The following BCAR3 variants were observed in gnomAD, a reference collection of about 807,000 sequenced individuals.
BCAR3 encodes breast cancer anti-estrogen resistance protein 3.
A neutral mutation model predicts 80.1 loss-of-function variants in BCAR3; 37 were observed. The ratio of observed to expected loss-of-function variants is 0.46; its 90% CI spans 0.36 to 0.61. The LOEUF (loss-of-function observed/expected upper bound fraction) is 0.61. Ranked by LOEUF, BCAR3 falls within the 20% of genes least tolerant of loss-of-function variation. The pLI, the probability that BCAR3 is intolerant of heterozygous loss-of-function variation, is 0.00. For missense variants in BCAR3, 978 were observed against 1,068.2 expected, an observed-to-expected ratio of 0.92 and a Z score of 1.18; for synonymous variants, 389 against 418.9, an observed-to-expected ratio of 0.93 and a Z score of 0.87.
intron 2 of BCAR3, among the ~76,000 whole-genome samples, chr1:93,662,439 T>C (rs942854975): frequency 6.6e-6 from 1 of 152,182 alleles, no homozygotes; most frequent in Non-Finnish European, 1.5e-5. Flanking sequence ...TGGTTTGCTG[T>C]TTCAAAATAC....
chr1:93,700,964 G>A (rs1030472395), intron 3 of BCAR3, among the ~76,000 whole-genome samples: 27 of 152,254 alleles, frequency 1.8e-4, no homozygotes, highest in African/African-American at 5.5e-4. Context: ...ACCTCACCAG[G>A]TGGGAGGCAG....
At chr1:93,573,490 G>A (rs549043775) in intron 8 of BCAR3, among the ~76,000 whole-genome samples, 3 of 151,898 alleles carry the variant, frequency 2.0e-5, no homozygotes, top group African/African-American at 7.2e-5. Flanking sequence ...GTCTCTCCCT[G>A]TGTATCTTGG....
At chr1:93,803,801 G>A (rs1653573152) in intron 2 of BCAR3, among the ~76,000 whole-genome samples, 1 of 152,140 alleles carries the variant, frequency 6.6e-6, no homozygotes, top group African/African-American at 2.4e-5. Flanking sequence ...TCCCCAGATG[G>A]GTACAGGAGG....
chr1:93,767,289 G>A (rs1282825391), intron 2 of BCAR3, among the ~76,000 whole-genome samples: 3 of 152,124 alleles, frequency 2.0e-5, no homozygotes, highest in Admixed American at 2.0e-4. Context: ...TTCGGAGGCC[G>A]AGGCAGGCGA....
intron 2 of BCAR3, among the ~76,000 whole-genome samples, chr1:93,659,923 C>T (rs1040527237): frequency 1.3e-5 from 2 of 152,084 alleles, no homozygotes; most frequent in Admixed American, 6.6e-5. Flanking sequence ...AATTACAATT[C>T]GATATACCAT....
chr1:93,822,674 G>A (rs986655783), intron 2 of BCAR3, among the ~76,000 whole-genome samples: 1 of 152,170 alleles, frequency 6.6e-6, no homozygotes, highest in Non-Finnish European at 1.5e-5. Context: ...AAAGGCACTT[G>A]AGTATTGCTG....
At chr1:93,827,933 C>T (rs1219651506) in intron 2 of BCAR3, among the ~76,000 whole-genome samples, 1 of 152,176 alleles carries the variant, frequency 6.6e-6, no homozygotes, top group Non-Finnish European at 1.5e-5. Flanking sequence ...CCTTCTCCCA[C>T]CCTCATGTCT....
chr1:93,761,073 A>G (rs1651927899), intron 2 of BCAR3, among the ~76,000 whole-genome samples: 1 of 152,194 alleles, frequency 6.6e-6, no homozygotes, highest in Non-Finnish European at 1.5e-5. Flanking sequence ...TGGGGCCATT[A>G]ACACAAATAT....
intron 2 of BCAR3, among the ~76,000 whole-genome samples, chr1:93,770,111 C>A (rs1260326085): frequency 6.6e-6 from 1 of 152,162 alleles, no homozygotes; most frequent in Non-Finnish European, 1.5e-5. Flanking sequence ...TAGTGGGGGA[C>A]AGAAGGTGGC....
At chr1:93,739,947 A>T (rs1425572006) in intron 2 of BCAR3, among the ~76,000 whole-genome samples, 1 of 151,996 alleles carries the variant, frequency 6.6e-6, no homozygotes, top group East Asian at 1.9e-4. Flanking sequence ...GAGGAAGCAG[A>T]ATTGCTTGAA....
chr1:93,711,755 C>G (rs1299869784), intron 2 of BCAR3, among the ~76,000 whole-genome samples: 1 of 152,148 alleles, frequency 6.6e-6, no homozygotes, highest in Non-Finnish European at 1.5e-5. Context: ...GAACATTTTA[C>G]CTTTAGTTGT....
intron 3 of BCAR3, among the ~76,000 whole-genome samples, chr1:93,632,403 G>T (rs1232281855): frequency 1.3e-5 from 2 of 152,182 alleles, no homozygotes; most frequent in African/African-American, 4.8e-5. Context: ...ATATTCAGTA[G>T]AAACTGTACT....
chr1:93,702,680 C>T (rs757649940), intron 3 of BCAR3, among the ~76,000 whole-genome samples: 39 of 152,298 alleles, frequency 2.6e-4, no homozygotes, highest in Non-Finnish European at 4.7e-4. Flanking sequence ...AGATAACAGC[C>T]CCAGCCCTCT....
chr1:93,646,312 T>G (rs1366364414), intron 2 of BCAR3, among the ~76,000 whole-genome samples: 1 of 152,142 alleles, frequency 6.6e-6, no homozygotes, highest in Non-Finnish European at 1.5e-5. Context: ...GGCTTTAAAA[T>G]TATTGGTAGG....
intron 3 of BCAR3, chr1:93,599,589 T>TGA (rs1238056101): frequency 6.6e-6 from 1 of 152,120 alleles, no homozygotes; most frequent in African/African-American, 2.4e-5. Flanking sequence ...CTGGCTGCAG[T>TGA]GAGAGCAATG....
At chr1:93,634,453 A>T (rs1208247674) in intron 3 of BCAR3, among the ~76,000 whole-genome samples, 1 of 152,046 alleles carries the variant, frequency 6.6e-6, no homozygotes, top group African/African-American at 2.4e-5. Context: ...GCACTTTGGG[A>T]GGTCGAGGTG....
chr1:93,655,004 A>AC (rs1571012311), intron 2 of BCAR3, among the ~76,000 whole-genome samples: 6 of 152,308 alleles, frequency 3.9e-5, no homozygotes, highest in Admixed American at 2.6e-4. Flanking sequence ...TCACCTTGGT[A>AC]CCCTCAGTGC....
At chr1:93,683,888 C>G (rs1358882857), upstream of BCAR3, among the ~76,000 whole-genome samples, 1 of 152,066 alleles carries the variant, frequency 6.6e-6, no homozygotes, top group African/African-American at 2.4e-5. Flanking sequence ...TTATAAAAAT[C>G]AATTGATTTG....
chr1:93,611,669 C>T (rs868493127), intron 3 of BCAR3, among the ~76,000 whole-genome samples: 2 of 152,146 alleles, frequency 1.3e-5, no homozygotes, highest in African/African-American at 2.4e-5. Flanking sequence ...TACACAAGTC[C>T]GTATGAGGCC....
Sources: allele counts gnomAD v4.1 joint callset (sites outside exome capture counted in the v4.1 genomes callset), GRCh38; gene constraint gnomAD v4.1.1; transcripts MANE v1.5; gene names NCBI Gene and HGNC (gene_info 2026-07-23, HGNC 2026-07-21).